G3BP2: variants seen among roughly 807,000 people sequenced by gnomAD.
G3BP2 encodes G3BP stress granule assembly factor 2.
In G3BP2, 11 loss-of-function variants were observed where a neutral mutation model predicts 56.7. That is an observed-to-expected ratio of 0.19 (90% CI 0.12 to 0.32). The LOEUF is 0.32. Ranked by LOEUF, G3BP2 falls within the 10% of genes least tolerant of loss-of-function variation. G3BP2 has a pLI of 1.00. For synonymous variants in G3BP2, 165 were observed against 191.6 expected, an observed-to-expected ratio of 0.86 and a Z score of 1.15; for missense variants, 340 against 610.9, an observed-to-expected ratio of 0.56 and a Z score of 4.67.
At chr4:75,703,277 G>A (rs1156749583) in intron 3 of G3BP2, among the ~76,000 whole-genome samples, 3 of 152,048 alleles carry the variant, frequency 2.0e-5, no homozygotes, top group African/African-American at 7.3e-5. Context: ...GATTTCACAG[G>A]GCTTAAACAG....
At chr4:75,684,425 A>T (rs1718487626) in intron 3 of G3BP2, among the ~76,000 whole-genome samples, 1 of 151,780 alleles carries the variant, frequency 6.6e-6, no homozygotes, top group Non-Finnish European at 1.5e-5. Flanking sequence ...AATAAATAAA[A>T]ATAATAAAAA....
chr4:75,706,967 C>T (rs1369563149), intron 3 of G3BP2, among the ~76,000 whole-genome samples: 6 of 151,632 alleles, frequency 4.0e-5, no homozygotes, highest in South Asian at 2.1e-4. Flanking sequence ...CTGAGGCGGG[C>T]GGATCACCTG....
At chr4:75,697,793 G>A (rs1484457660) in intron 3 of G3BP2, among the ~76,000 whole-genome samples, 2 of 152,062 alleles carry the variant, frequency 1.3e-5, no homozygotes, top group African/African-American at 2.4e-5. Context: ...AATTAGCTAG[G>A]CGCGGTGGCA....
Position 75,648,556 on chromosome 4 carries a change from C to G in G3BP2, c.928+83G>C, listed in dbSNP as rs990216504. On this transcript the variant is annotated intron_variant, in intron 9 of 11. Coordinates refer to ENST00000359707, the MANE Select transcript of G3BP2 (RefSeq NM_203505.3). The stretch of plus-strand genomic sequence containing the variant: ...AGACTATATGGGTCTGTGTATAGAA[C>G]GCATCATAGTTTTTTGTTTAAGTTC... 4.4e-5 allele frequency: 31 copies of G among 700,364 alleles called. No individual in the cohort carries two copies. The African/African-American group carries it at 4.4e-4, about 10-fold the overall frequency. 43.4% of individuals were successfully genotyped at this position (700,364 alleles called of 1,614,324 possible).
chr4:75,652,897 C>G (rs1389877689), intron 8 of G3BP2, among the ~76,000 whole-genome samples: 1 of 152,118 alleles, frequency 6.6e-6, no homozygotes, highest in African/African-American at 2.4e-5. Flanking sequence ...TTTAAACTCT[C>G]TGAAATGAAA....
rs1731045333 is a variant in G3BP2, at chr4:75,643,979, T to A, written c.*1451A>T. 6.6e-6 allele frequency: 1 copy of A among 152,648 alleles called. No homozygotes were observed. The highest frequency in any genetic ancestry group is 2.4e-5 in the African/African-American group (1 of 41,462). 9.5% of individuals were successfully genotyped at this position (152,648 alleles called of 1,614,324 possible). ...AAGATTCATGTAAAAATAAAAGATG[T>A]CGTCCCAGACTTAAATTCAGGAGCC... On this transcript the variant is annotated 3_prime_UTR_variant, in exon 12 of 12. Coordinates refer to ENST00000359707, the MANE Select transcript of G3BP2 (RefSeq NM_203505.3).
chr4:75,715,069 G>C (rs775117020), intron 3 of G3BP2, among the ~76,000 whole-genome samples: 4 of 152,216 alleles, frequency 2.6e-5, no homozygotes, highest in Admixed American at 2.6e-4. Flanking sequence ...GTCTAGGTTT[G>C]CAAAGAAAAC....
In G3BP2 at chr4:75,655,892, C is replaced by A; in HGVS notation, c.443-22G>T. 4 of 1,181,804 alleles carry A rather than the reference C, an allele frequency of 3.4e-6. No individual in the cohort carries two copies. The South Asian group carries it at 4.9e-5, about 14-fold the overall frequency. The allele number at this position is 1,181,804 out of a possible 1,614,324, so 73.2% of individuals were successfully genotyped here. A position where few individuals can be genotyped will look rare whatever the true frequency, so the allele number is the denominator to read the frequency against. ...GATTCTGAAAATACATAATACAGCACATCTTTTTTAAAGAGGCTTCACAAT... is the reference window on the plus strand; with the variant it reads ...GATTCTGAAAATACATAATACAGCAAATCTTTTTTAAAGAGGCTTCACAAT... On this transcript the variant is annotated intron_variant, in intron 5 of 11. Transcript: ENST00000359707.
At chr4:75,662,373 C>T (rs58822138) in intron 1 of G3BP2, 23,222 of 172,988 alleles carry the variant, frequency 0.13, 1,989 homozygotes, top group African/African-American at 0.25. Context: ...CAGGCATACG[C>T]CACCACACCT....
chr4:75,677,198 C>T (rs1226764238), upstream of G3BP2, among the ~76,000 whole-genome samples: 8 of 152,058 alleles, frequency 5.3e-5, no homozygotes, highest in Admixed American at 5.2e-4. Context: ...TTTCATTTGA[C>T]CATTCTCAAC....
chr4:75,662,886 A>C (rs532645332), intron 1 of G3BP2, among the ~76,000 whole-genome samples: 23 of 152,142 alleles, frequency 1.5e-4, no homozygotes, highest in Non-Finnish European at 2.6e-4. Flanking sequence ...CAGAGATAAC[A>C]CTCATGGCAA....
chr4:75,682,740 G>C (rs1283915685), intron 3 of G3BP2, among the ~76,000 whole-genome samples: 1 of 152,074 alleles, frequency 6.6e-6, no homozygotes, highest in Non-Finnish European at 1.5e-5. Flanking sequence ...CCAGCACTTT[G>C]GGAGGCCAAG....
At chr4:75,671,056 C>A (rs1175363446) in intron 1 of G3BP2, among the ~76,000 whole-genome samples, 1 of 152,128 alleles carries the variant, frequency 6.6e-6, no homozygotes, top group Non-Finnish European at 1.5e-5. Flanking sequence ...AGAAACACGA[C>A]AGTCAAGAAA....
chr4:75,660,042 C>T (rs137955483), intron 2 of G3BP2, among the ~76,000 whole-genome samples: 1 of 152,248 alleles, frequency 6.6e-6, no homozygotes, highest in Non-Finnish European at 1.5e-5. Flanking sequence ...ATTAGTGTTG[C>T]TTACCACAAG....
At chr4:75,711,937 T>C (rs1560423362) in intron 3 of G3BP2, among the ~76,000 whole-genome samples, 1 of 152,074 alleles carries the variant, frequency 6.6e-6, no homozygotes, top group Non-Finnish European at 1.5e-5. Flanking sequence ...AAGTCTGTTG[T>C]TATTTGTGAT....
At chr4:75,646,210 CATAA>C in intron 11 of G3BP2, 124 bp downstream of exon 11, 1 of 605,136 alleles carries the variant, frequency 1.7e-6, no homozygotes, top group South Asian at 2.0e-5. Flanking sequence ...TTATTCTTTG[CATAA>C]ATACCATTTA....
intron 2 of G3BP2, 49 bp from the exon 3 acceptor site, chr4:75,658,973 A>G (rs115156285): frequency 1.5e-6 from 2 of 1,378,250 alleles, no homozygotes; most frequent in Admixed American, 1.7e-5. Flanking sequence ...AGAGAAGCCT[A>G]AGAAGCAGAA....
At chr4:75,693,237 C>T (rs1718946611) in intron 3 of G3BP2, among the ~76,000 whole-genome samples, 1 of 152,052 alleles carries the variant, frequency 6.6e-6, no homozygotes, top group African/African-American at 2.4e-5. Context: ...CAGTGCGACT[C>T]CCTCTCAAAA....
At chr4:75,671,309 G>A (rs1203168261) in intron 1 of G3BP2, among the ~76,000 whole-genome samples, 2 of 152,136 alleles carry the variant, frequency 1.3e-5, no homozygotes, top group African/African-American at 4.8e-5. Flanking sequence ...TCTTTTTAAA[G>A]CAATCTAGGG....
Sources: gnomAD v4.1 joint callset for allele counts (sites outside exome capture counted in the v4.1 genomes callset) on GRCh38, gnomAD v4.1.1 for gene constraint, MANE v1.5 for transcripts, NCBI Gene and HGNC (gene_info 2026-07-23, HGNC 2026-07-21) for gene names.